NRG1: variants seen among roughly 807,000 people sequenced by gnomAD.
NRG1 encodes neuregulin 1.
Under a neutral mutation model 63.8 loss-of-function variants are expected in NRG1, and 18 were observed. The observed-to-expected ratio is 0.28, with a 90% confidence interval of 0.19 to 0.42. The LOEUF (loss-of-function observed/expected upper bound fraction) is 0.42, where lower values mean the gene tolerates loss of function less well. Among genes scored for constraint, NRG1 ranks in the 10% least tolerant of loss-of-function variants. NRG1 has a pLI of 1.00. For synonymous variants in NRG1, 302 were observed against 301.3 expected (o/e 1.00, Z -0.02); for missense variants, 762 against 814.7 (o/e 0.94, Z 0.79).
intron 1 of NRG1, chr8:32,136,601 G>A (rs1835561187): frequency 6.7e-6 from 1 of 149,980 alleles, no homozygotes; most frequent in Admixed American, 6.7e-5. Flanking sequence ...GCATGGTACA[G>A]GTAGATGGGT....
chr8:31,829,855 C>G (rs1036534566), intron 1 of NRG1, among the ~76,000 whole-genome samples: 1 of 152,162 alleles, frequency 6.6e-6, no homozygotes, highest in Non-Finnish European at 1.5e-5. Flanking sequence ...CTGAGCAGTG[C>G]GAGTTGGTGT....
intron 1 of NRG1, among the ~76,000 whole-genome samples, chr8:31,788,057 C>T (rs1820346902): frequency 6.6e-6 from 1 of 152,082 alleles, no homozygotes; most frequent in South Asian, 2.1e-4. Context: ...AGTTACATAG[C>T]TAGAAATTAC....
chr8:32,379,789 C>T (rs765600188), intron 1 of NRG1, among the ~76,000 whole-genome samples: 3 of 152,178 alleles, frequency 2.0e-5, no homozygotes, highest in Non-Finnish European at 4.4e-5. Context: ...ACTTGAAGCT[C>T]GATCAACTCC....
intron 1 of NRG1, among the ~76,000 whole-genome samples, chr8:32,587,667 C>T (rs763740262): frequency 5.9e-5 from 9 of 152,132 alleles, no homozygotes; most frequent in Non-Finnish European, 1.3e-4. Context: ...CTCATCCTTT[C>T]AGCAGACACT....
intron 1 of NRG1, among the ~76,000 whole-genome samples, chr8:32,044,913 CAAA>C: frequency 0.39 from 22,507 of 57,736 alleles, 3,287 homozygotes; most frequent in Middle Eastern, 0.56. Flanking sequence ...TAAAGAAAAG[CAAA>C]AAAAAAAAAA....
intron 1 of NRG1, chr8:32,192,236 T>G (rs1842561705): frequency 6.6e-6 from 1 of 152,252 alleles, no homozygotes. Context: ...GCAGTCTCAT[T>G]ACTGGGTATA....
intron 1 of NRG1, among the ~76,000 whole-genome samples, chr8:32,075,118 G>A (rs1162248027): frequency 6.6e-6 from 1 of 152,232 alleles, no homozygotes; most frequent in Non-Finnish European, 1.5e-5. Context: ...GCAGTGCTTG[G>A]CTGGAGTAAG....
At chr8:32,687,104 C>T (rs1334697708) in intron 5 of NRG1, among the ~76,000 whole-genome samples, 8 of 152,102 alleles carry the variant, frequency 5.3e-5, no homozygotes, top group Non-Finnish European at 1.0e-4. Flanking sequence ...GTATCAACCA[C>T]GTGCAACCAC....
At position 32,729,032 on chromosome 8, in the gene NRG1, C is replaced by T. The variant is rs571257258; in HGVS notation, c.632+954C>T. ...GCAGTGAGCCGAGATTGCACCACTG[C>T]ACTCCAGCCTGGGTGACAGAGCGAG... is the stretch of plus-strand genomic sequence containing the variant. On this transcript the variant is annotated intron_variant, in intron 6 of 11. Transcript: ENST00000356819. Among the ~76,000 whole-genome samples, 96 of 152,122 alleles carry T rather than the reference C, an allele frequency of 6.3e-4. 1 individual carries two copies. Among genetic ancestry groups the T allele is most frequent in the Non-Finnish European group, 1.1e-3 (78 of 68,018 alleles).
At chr8:32,446,999 T>TTCTATTTATTTA (rs1554544523) in intron 1 of NRG1, among the ~76,000 whole-genome samples, 7 of 146,344 alleles carry the variant, frequency 4.8e-5, no homozygotes, top group African/African-American at 1.8e-4. Flanking sequence ...CTAAAATACT[T>TTCTATTTATTTA]TTTATTTATT....
At chr8:31,711,484 C>T (rs545144405) in intron 1 of NRG1, among the ~76,000 whole-genome samples, 1 of 152,252 alleles carries the variant, frequency 6.6e-6, no homozygotes. Context: ...CTTACATATT[C>T]TTTCTTTACC....
At chr8:31,883,292 T>C (rs1830488817) in intron 1 of NRG1, among the ~76,000 whole-genome samples, 1 of 152,138 alleles carries the variant, frequency 6.6e-6, no homozygotes, top group Non-Finnish European at 1.5e-5. Flanking sequence ...AATTAAGGTA[T>C]GTACATTTTT....
intron 3 of NRG1, among the ~76,000 whole-genome samples, chr8:32,610,874 T>C (rs1434545823): frequency 6.6e-6 from 1 of 152,132 alleles, no homozygotes; most frequent in Admixed American, 6.6e-5. Context: ...TGAATTCCTT[T>C]CATGAATTCG....
intron 5 of NRG1, among the ~76,000 whole-genome samples, chr8:32,627,070 TTTATTA>T (rs899606433): frequency 6.6e-6 from 1 of 151,592 alleles, no homozygotes; most frequent in African/African-American, 2.4e-5. Context: ...TATTACTATT[TTTATTA>T]TTATTATTTT....
chr8:32,194,304 C>A (rs181499235), intron 1 of NRG1, among the ~76,000 whole-genome samples: 1 of 152,050 alleles, frequency 6.6e-6, no homozygotes, highest in Non-Finnish European at 1.5e-5. Context: ...TCATCTGAAC[C>A]GCGGATAAAA....
intron 1 of NRG1, among the ~76,000 whole-genome samples, chr8:32,032,939 T>C (rs1204519256): frequency 6.6e-6 from 1 of 152,162 alleles, no homozygotes; most frequent in African/African-American, 2.4e-5. Flanking sequence ...TGAGTTAATT[T>C]TTGTGTAAGG....
At chr8:31,950,710 T>C (rs1803338597) in intron 1 of NRG1, among the ~76,000 whole-genome samples, 1 of 152,220 alleles carries the variant, frequency 6.6e-6, no homozygotes, top group South Asian at 2.1e-4. Flanking sequence ...CTGTGTAAGC[T>C]AAACCCTAAA....
intron 1 of NRG1, among the ~76,000 whole-genome samples, chr8:32,576,021 A>G (rs969414052): frequency 2.0e-5 from 3 of 152,156 alleles, no homozygotes; most frequent in South Asian, 2.1e-4. Context: ...ACAAAATTGT[A>G]TGTATTTATG....
At chr8:31,934,097 G>A (rs2129620243) in intron 1 of NRG1, among the ~76,000 whole-genome samples, 1 of 152,134 alleles carries the variant, frequency 6.6e-6, no homozygotes, top group East Asian at 1.9e-4. Context: ...ATATGTGTGT[G>A]GGTACCTTCA....
Sources: gnomAD v4.1 joint callset for allele counts (sites outside exome capture counted in the v4.1 genomes callset) on GRCh38, gnomAD v4.1.1 for gene constraint, MANE v1.5 for transcripts, NCBI Gene and HGNC (gene_info 2026-07-23, HGNC 2026-07-21) for gene names.